NDST4: variants seen among roughly 807,000 people sequenced by gnomAD.
NDST4 encodes the protein N-deacetylase and N-sulfotransferase 4.
A neutral mutation model predicts 100.8 loss-of-function variants in NDST4; 63 were observed. That is an observed-to-expected ratio of 0.62 (90% CI 0.51 to 0.77). NDST4 has a LOEUF of 0.77. NDST4 is among the 30% of genes least tolerant of loss of function. The probability of loss-of-function intolerance (pLI) is 0.00; values close to 1 mark genes in which losing one functional copy is unlikely to be tolerated. For missense variants in NDST4, 943 were observed against 1,018.4 expected (o/e 0.93, Z 1.01); for synonymous variants, 377 against 361.8 (o/e 1.04, Z -0.48).
intron 7 of NDST4, among the ~76,000 whole-genome samples, chr4:114,855,658 G>A (rs931896884): frequency 2.6e-5 from 4 of 152,108 alleles, no homozygotes; most frequent in South Asian, 4.1e-4. Context: ...CCAATACCAT[G>A]CATTTTGGTT....
At chr4:114,990,949 C>G (rs1317495390) in intron 2 of NDST4, among the ~76,000 whole-genome samples, 1 of 151,942 alleles carries the variant, frequency 6.6e-6, no homozygotes, top group Non-Finnish European at 1.5e-5. Context: ...TCTTATTGCT[C>G]TAAGGCCTGA....
At chr4:114,925,846 A>T (rs1353970314) in intron 6 of NDST4, among the ~76,000 whole-genome samples, 9 of 152,140 alleles carry the variant, frequency 5.9e-5, no homozygotes. Flanking sequence ...TCTATTTTTA[A>T]TGTTGCTCTT....
At chr4:114,933,456 T>A (rs7696060) in intron 6 of NDST4, among the ~76,000 whole-genome samples, 17 of 133,334 alleles carry the variant, frequency 1.3e-4, no homozygotes, top group Admixed American at 1.1e-3. Flanking sequence ...TTTTTTTTTG[T>A]GTGTAAAAAC....
intron 2 of NDST4, among the ~76,000 whole-genome samples, chr4:115,027,310 G>T (rs1168810382): frequency 6.6e-6 from 1 of 152,206 alleles, no homozygotes; most frequent in South Asian, 2.1e-4. Context: ...TTGGCTCTCA[G>T]CCTCTCTATT....
chr4:115,093,293 G>C (rs1346059452), intron 1 of NDST4, among the ~76,000 whole-genome samples: 1 of 152,008 alleles, frequency 6.6e-6, no homozygotes, highest in Non-Finnish European at 1.5e-5. Context: ...GGCTAACACG[G>C]TGAAACCCCA....
chr4:114,849,683 A>G (rs1723631521), intron 8 of NDST4, among the ~76,000 whole-genome samples: 1 of 152,266 alleles, frequency 6.6e-6, no homozygotes, highest in Non-Finnish European at 1.5e-5. Flanking sequence ...GTGCGAAATA[A>G]GATGGCAAAA....
intron 7 of NDST4, among the ~76,000 whole-genome samples, chr4:114,867,667 A>AAAAAAAAAAAAAAAAAG (rs1560786349): frequency 9.0e-6 from 1 of 111,234 alleles, no homozygotes; most frequent in African/African-American, 4.0e-5. Flanking sequence ...AAAAAAAGCA[A>AAAAAAAAAAAAAAAAAG]AAAAAAAAAA....
chr4:114,945,532 A>G (rs1002024837), intron 4 of NDST4, among the ~76,000 whole-genome samples: 1 of 152,212 alleles, frequency 6.6e-6, no homozygotes, highest in African/African-American at 2.4e-5. Flanking sequence ...CATATTAAAG[A>G]AACACATCAT....
chr4:114,905,685 GATT>G (rs1724935092), intron 6 of NDST4, among the ~76,000 whole-genome samples: 1 of 151,830 alleles, frequency 6.6e-6, no homozygotes, highest in Non-Finnish European at 1.5e-5. Context: ...GTTCAGTAGA[GATT>G]ATTATATTTT....
intron 6 of NDST4, among the ~76,000 whole-genome samples, chr4:114,917,735 T>G (rs1725204331): frequency 6.6e-6 from 1 of 152,086 alleles, no homozygotes; most frequent in South Asian, 2.1e-4. Context: ...ACACACATAA[T>G]GAAGTTCACA....
chr4:115,036,048 ATAAT>A (rs1728226480), intron 2 of NDST4, among the ~76,000 whole-genome samples: 1 of 152,100 alleles, frequency 6.6e-6, no homozygotes, highest in Non-Finnish European at 1.5e-5. Context: ...ATTCAAATGA[ATAAT>A]TAGACTGCTT....
chr4:115,045,171 GA>G (rs1323493670), intron 2 of NDST4, among the ~76,000 whole-genome samples: 2 of 152,058 alleles, frequency 1.3e-5, no homozygotes, highest in Non-Finnish European at 2.9e-5. Flanking sequence ...TTAGGGTAGA[GA>G]GGAAATAAAC....
intron 1 of NDST4, among the ~76,000 whole-genome samples, chr4:115,096,965 G>A (rs1448485674): frequency 2.0e-5 from 3 of 151,754 alleles, no homozygotes; most frequent in East Asian, 1.9e-4. Context: ...ACCTATAAGC[G>A]GCATTTTATA....
chr4:115,099,627 CT>C (rs1729690500), intron 1 of NDST4, among the ~76,000 whole-genome samples: 1 of 152,076 alleles, frequency 6.6e-6, no homozygotes, highest in Admixed American at 6.6e-5. Context: ...CAGTACACAC[CT>C]TTTAGAATGG....
chr4:114,971,868 CTA>C (rs1442060901), intron 3 of NDST4, among the ~76,000 whole-genome samples: 24 of 151,936 alleles, frequency 1.6e-4, no homozygotes, highest in Admixed American at 1.6e-3. Flanking sequence ...ACTTAATTAA[CTA>C]TGTGATCTTG....
At chr4:114,902,093 T>A (rs1423621879) in intron 6 of NDST4, among the ~76,000 whole-genome samples, 3 of 152,050 alleles carry the variant, frequency 2.0e-5, no homozygotes, top group African/African-American at 7.2e-5. Flanking sequence ...TTGCTATCAT[T>A]ATTTTGGACC....
At chr4:114,990,291 C>G (rs1251342462) in intron 2 of NDST4, among the ~76,000 whole-genome samples, 1 of 151,982 alleles carries the variant, frequency 6.6e-6, no homozygotes, top group Non-Finnish European at 1.5e-5. Flanking sequence ...TTATTCCATT[C>G]ACTGAATTAT....
intron 2 of NDST4, among the ~76,000 whole-genome samples, chr4:114,984,065 G>GT (rs1162189624): frequency 6.6e-6 from 1 of 152,168 alleles, no homozygotes; most frequent in Non-Finnish European, 1.5e-5. Context: ...ATGTAGAACT[G>GT]TGAGTGAATT....
chr4:115,022,033 T>A (rs1358735769), intron 2 of NDST4, among the ~76,000 whole-genome samples: 1 of 152,046 alleles, frequency 6.6e-6, no homozygotes, highest in African/African-American at 2.4e-5. Flanking sequence ...GTTCCATATC[T>A]CTATGTTCCA....
Sources: gnomAD v4.1 joint callset for allele counts (sites outside exome capture counted in the v4.1 genomes callset) on GRCh38, gnomAD v4.1.1 for gene constraint, MANE v1.5 for transcripts, NCBI Gene and HGNC (gene_info 2026-07-23, HGNC 2026-07-21) for gene names.